DUOX1: variants seen among roughly 807,000 people sequenced by gnomAD.
DUOX1 encodes dual oxidase 1.
A neutral mutation model predicts 181.8 loss-of-function variants in DUOX1; 134 were observed. The ratio of observed to expected loss-of-function variants is 0.74; its 90% confidence interval spans 0.64 to 0.85. The LOEUF is 0.85. Ranked by LOEUF, DUOX1 falls within the 40% of genes least tolerant of loss-of-function variation. The pLI is 0.00. For synonymous variants in DUOX1, 798 were observed against 832.5 expected (o/e 0.96, Z 0.71); for missense variants, 1,814 against 2,064.4 (o/e 0.88, Z 2.35).
chr15:45,148,815 G>A (rs1246049520), intron 21 of DUOX1, among the ~76,000 whole-genome samples: 3 of 152,064 alleles, frequency 2.0e-5, no homozygotes, highest in Non-Finnish European at 4.4e-5. Flanking sequence ...AGCCCCCTGT[G>A]CGTGGTGCCC....
At chr15:45,162,435 C>G in intron 31 of DUOX1, 58 bp downstream of exon 31, 1 of 1,570,818 alleles carries the variant, frequency 6.4e-7, no homozygotes, top group African/African-American at 1.4e-5. Flanking sequence ...GTCATGGTAC[C>G]CATCTGTGCC....
In DUOX1 at chr15:45,135,085, C is replaced by T. The variant is rs772896650; in HGVS notation, c.308-19C>T. On this transcript the variant is annotated intron_variant, in intron 4 of 33. Coordinates refer to ENST00000389037, the MANE Select transcript of DUOX1 (RefSeq NM_175940.3). ...TGGCCCTCTGCTTGCCCTAGCACCC[C>T]CTCCTGCACTGCCCGCAGGCTATCA... The T allele has an allele frequency of 3.7e-6, 6 of 1,609,332 alleles. No homozygotes were observed. The Admixed American group carries it at 6.8e-5, about 18-fold the overall frequency.
At chr15:45,143,967 C>T in intron 16 of DUOX1, 69 bp from the exon 17 acceptor site, 1 of 1,510,348 alleles carries the variant, frequency 6.6e-7, no homozygotes, top group Non-Finnish European at 9.2e-7. Context: ...CAGCCCTGAG[C>T]TGGCCCTCTT....
chr15:45,148,242 G>C lies in DUOX1; in HGVS notation c.2643-30G>C, dbSNP rs758740835. ...TGTCTGGGTCGCAGGCCCCAGTCAG[G>C]GCCGGATGGTTCCTCTCCCCCAACC... On this transcript the variant is annotated intron_variant, in intron 20 of 33. Transcript: ENST00000389037. 23 of 1,613,190 alleles carry C rather than the reference G, an allele frequency of 1.4e-5. No individual in the cohort carries two copies. In the African/African-American group the frequency reaches 3.1e-4, roughly 22 times the overall value.
At chr15:45,154,599 T>TTG (rs1396511031) in intron 27 of DUOX1, among the ~76,000 whole-genome samples, 2 of 151,494 alleles carry the variant, frequency 1.3e-5, no homozygotes, top group Non-Finnish European at 2.9e-5. Context: ...AGCATGGTTT[T>TTG]TTTTTTTTTT....
chr15:45,136,664 T>A (rs1485301063), intron 9 of DUOX1, 39 bp downstream of exon 9: 3 of 1,603,826 alleles, frequency 1.9e-6, no homozygotes, highest in Non-Finnish European at 2.6e-6. Flanking sequence ...CTGGGAGGGA[T>A]GGGGCTGTCA....
chr15:45,152,762 T>C (rs1024030964), intron 25 of DUOX1: 6 of 589,308 alleles, frequency 1.0e-5, no homozygotes, highest in Admixed American at 3.0e-5. Flanking sequence ...CACCCCAGAA[T>C]GAGTGTGCAT....
At chr15:45,137,604 A>T (rs143567001) in intron 9 of DUOX1, among the ~76,000 whole-genome samples, 117 of 152,246 alleles carry the variant, frequency 7.7e-4, no homozygotes, top group East Asian at 3.3e-3. Flanking sequence ...TTAAATAGGT[A>T]TATATGTACA....
At chr15:45,164,408 C>T (rs1897178656) in intron 33 of DUOX1, among the ~76,000 whole-genome samples, 1 of 151,848 alleles carries the variant, frequency 6.6e-6, no homozygotes, top group African/African-American at 2.4e-5. Flanking sequence ...GACCTATAAA[C>T]ACTGAGCCAG....
chr15:45,152,110 T>C, intron 24 of DUOX1, 58 bp downstream of exon 24: 2 of 1,580,392 alleles, frequency 1.3e-6, no homozygotes, highest in Middle Eastern at 1.7e-4. Context: ...GTGATCGCCC[T>C]GGGGGTGGGG....
Position 45,135,148 on chromosome 15 carries a change from TGCCCCGCC to T in DUOX1, c.354_361del (p.Cys118Ter). 6.2e-7 allele frequency: 1 copy of T among 1,613,700 alleles called. No individual in the cohort carries two copies. The highest frequency in any genetic ancestry group is 8.5e-7 in the Non-Finnish European group (1 of 1,179,884). ...CCTGGTGAGCGTGGAAACTCCCGGC[TGCCCCGCC>T]GAGTTCCTCAACATTCGCATCCCGC... On this transcript the variant is annotated frameshift_variant, in exon 5 of 34. Coordinates refer to ENST00000389037, the MANE Select transcript of DUOX1 (RefSeq NM_175940.3). LOFTEE classifies it high-confidence loss of function.
intron 21 of DUOX1, 183 bp from the exon 22 acceptor site, chr15:45,150,449 T>C (rs766254114): frequency 2.9e-4 from 174 of 596,240 alleles, no homozygotes; most frequent in Non-Finnish European, 4.9e-4. Flanking sequence ...TGCCCACCTA[T>C]GGCTGGGTCC....
At chr15:45,157,535 T>C (rs1482768844) in intron 28 of DUOX1, among the ~76,000 whole-genome samples, 1 of 151,974 alleles carries the variant, frequency 6.6e-6, no homozygotes, top group African/African-American at 2.4e-5. Flanking sequence ...GTTCGAAAGG[T>C]GTGGCCGGGC....
At chr15:45,143,135 G>T (rs1896551713) in intron 15 of DUOX1, 55 bp from the exon 16 acceptor site, 2 of 1,394,196 alleles carry the variant, frequency 1.4e-6, no homozygotes, top group East Asian at 2.3e-5. Context: ...GAAAGGAGCT[G>T]CTTCCATCCC....
Position 45,163,964 on chromosome 15 carries a change from G to C in DUOX1, c.4533+46G>C, listed in dbSNP as rs773123731. ...GGTTCTCTTCCTCTTTATCATTTGGGGTCTGAGCAAAGCTCCCAAACCTTC... is the reference window on the plus strand; with the variant it reads ...GGTTCTCTTCCTCTTTATCATTTGGCGTCTGAGCAAAGCTCCCAAACCTTC... On this transcript the variant is annotated intron_variant, in intron 33 of 33. Transcript: ENST00000389037. 6 of 1,599,996 alleles carry C rather than the reference G, an allele frequency of 3.8e-6. No individual in the cohort carries two copies. In the South Asian group the frequency reaches 6.7e-5, roughly 18 times the overall value.
In DUOX1 at chr15:45,144,061, G is replaced by A. The variant is rs1233334347; in HGVS notation, c.1962G>A (p.Glu654=). ...CTTTGGAATGGCAAGGCCACAAGGA[G>A]CCCTGCCGGCCCGTGCTTGTGTACC... ...MEALEWQGHK[E]PCRPVLVYLQ... Residue 654 remains glutamate (E), a synonymous_variant, in exon 17 of 34, where the codon GAG becomes GAA. Transcript: ENST00000389037. 5 of 1,614,002 alleles carry A rather than the reference G, an allele frequency of 3.1e-6. No individual in the cohort carries two copies. Among genetic ancestry groups the A allele is most frequent in the South Asian group, 1.1e-5 (1 of 91,084 alleles).
In DUOX1 at chr15:45,139,456, C is replaced by T. The variant is rs368880344; in HGVS notation, c.1246C>T (p.Arg416Cys). 22 of 1,612,826 alleles carry T rather than the reference C, an allele frequency of 1.4e-5. No homozygotes were observed. The highest frequency in any genetic ancestry group is 8.4e-5 in the Admixed American group (5 of 59,536). ...CTGGCCTGGGCCACTGAAGTTTTCC[C>T]GCACAGACCACCTGGCCAGCTGCCT... Reference protein sequence around the residue: ...DFWPGPLKFSRTDHLASCLQR... With the variant: ...DFWPGPLKFSCTDHLASCLQR... The change falls in exon 12 of 34, where the codon CGC becomes TGC. Residue 416 changes from arginine to cysteine, a missense_variant. By Grantham distance (180) the Arg-to-Cys change is radical. This residue lies in a region of DUOX1 where 1,064 missense variants were observed against 1,152.9 expected (regional missense o/e 0.92). Coordinates refer to ENST00000389037, the MANE Select transcript of DUOX1 (RefSeq NM_175940.3).
chr15:45,143,276 T>A lies in DUOX1; in HGVS notation c.1909T>A (p.Ser637Thr). 6.2e-7 allele frequency: 1 copy of A among 1,614,088 alleles called. No homozygotes were observed. Among genetic ancestry groups the A allele is most frequent in the Non-Finnish European group, 8.5e-7 (1 of 1,179,998 alleles). ...LQGQDRQSIV[S>T]EKLVGGMEAL... ...GGGCCAGGACCGCCAGAGCATCGTGTCTGAGAAGCTCGTGGGAGGCATGGA... is the reference window on the plus strand; with the variant it reads ...GGGCCAGGACCGCCAGAGCATCGTGACTGAGAAGCTCGTGGGAGGCATGGA... Residue 637 changes from serine (S) to threonine (T), a missense_variant, in exon 16 of 34, where the codon TCT becomes ACT. Around this residue, in one of 5 missense-constraint regions of DUOX1, gnomAD observed 1,064 missense variants for 1,152.9 expected, o/e 0.92. Coordinates refer to ENST00000389037, the MANE Select transcript of DUOX1 (RefSeq NM_175940.3).
In DUOX1 at chr15:45,141,086, C is replaced by A. The variant is rs537105465; in HGVS notation, c.1565+16C>A. The A allele has an allele frequency of 2.5e-5, 40 of 1,614,114 alleles. No homozygotes were observed. The South Asian group carries it at 4.2e-4, about 17-fold the overall frequency. ...CCAGGAATGGGTAAGGCGTGCTGGG[C>A]CTCCGCCTCAGGCTCTACCTCGGCC... On this transcript the variant is annotated intron_variant, in intron 13 of 33. Transcript: ENST00000389037.
Sources: allele counts gnomAD v4.1 joint callset (sites outside exome capture counted in the v4.1 genomes callset), GRCh38; gene constraint gnomAD v4.1.1; regional missense constraint gnomAD v4.1.1; transcripts MANE v1.5; gene names NCBI Gene and HGNC (gene_info 2026-07-23, HGNC 2026-07-21).